The following PHACTR2 variants were observed in gnomAD, a reference collection of about 807,000 sequenced individuals.
PHACTR2 encodes the protein chromosome 6 open reading frame 56.
In PHACTR2, 30 loss-of-function variants were observed where a neutral mutation model predicts 76.0. The ratio of observed to expected loss-of-function variants is 0.39; its 90% CI spans 0.30 to 0.54. The LOEUF (loss-of-function observed/expected upper bound fraction) is 0.54, where lower values mean the gene tolerates loss of function less well. PHACTR2 is among the 20% of genes least tolerant of loss of function. The pLI, the probability that PHACTR2 is intolerant of heterozygous loss-of-function variation, is 0.61. For synonymous variants in PHACTR2, 292 were observed against 292.5 expected (o/e 1.00, Z 0.02); for missense variants, 696 against 781.1 (o/e 0.89, Z 1.30).
At chr6:143,628,005 C>A in intron 1 of PHACTR2, among the ~76,000 whole-genome samples, 1 of 152,122 alleles carries the variant, frequency 6.6e-6, no homozygotes, top group Non-Finnish European at 1.5e-5. Flanking sequence ...TATTGATTTA[C>A]CTATTTGGGA....
chr6:143,727,586 G>A (rs1196448605), intron 2 of PHACTR2, among the ~76,000 whole-genome samples: 3 of 124,018 alleles, frequency 2.4e-5, no homozygotes, highest in Non-Finnish European at 5.0e-5. Flanking sequence ...CCAACACCGT[G>A]TAAGAGTTCC....
intron 1 of PHACTR2, among the ~76,000 whole-genome samples, chr6:143,704,860 G>A (rs1373504043): frequency 2.0e-5 from 3 of 152,212 alleles, no homozygotes; most frequent in East Asian, 1.9e-4. Flanking sequence ...ATGGGATCTC[G>A]CTCAGTTGCC....
chr6:143,720,712 A>C (rs950696827), intron 2 of PHACTR2, among the ~76,000 whole-genome samples: 21 of 152,160 alleles, frequency 1.4e-4, no homozygotes, highest in African/African-American at 5.1e-4. Context: ...CCTGGGCTCA[A>C]GCAATCCTCC....
In PHACTR2 at chr6:143,664,024, GT is replaced by G. The variant is rs1776990333; in HGVS notation, c.14-47991del. Among the ~76,000 whole-genome samples the G allele has an allele frequency of 2.6e-5, 4 of 151,944 alleles. No individual in the cohort carries two copies. The highest frequency in any genetic ancestry group is 1.3e-4 in the Admixed American group (2 of 15,262). ...AATCTCTCCTTATTATTGTGGATCT[GT>G]CCGTTTATCATTGTAATTCTGTTAG... On this transcript the variant is annotated intron_variant, in intron 1 of 11. Coordinates refer to the PHACTR2 transcript ENST00000305766. This position sits in a 1 kb window ranked among gnomAD's most constrained non-coding sequence, Gnocchi z 5.1.
chr6:143,771,144 GTATATATATA>G (rs1185999309), intron 6 of PHACTR2, among the ~76,000 whole-genome samples: 436 of 30,814 alleles, frequency 0.014, 17 homozygotes, highest in African/African-American at 0.044. Flanking sequence ...ATATATATAT[GTATATATATA>G]TATGTATATA....
In PHACTR2 at chr6:143,556,604, G is replaced by T. The variant is rs759942634; in HGVS notation, c.217+19397G>T. Among the ~76,000 whole-genome samples, 1 of 152,118 alleles carries T rather than the reference G, an allele frequency of 6.6e-6. No individual in the cohort carries two copies. The highest frequency in any genetic ancestry group is 2.4e-5 in the African/African-American group (1 of 41,418). On this transcript the variant is annotated intron_variant, in intron 1 of 11. Coordinates refer to the PHACTR2 transcript ENST00000367584. The surrounding 1 kb of genome is among the most constrained non-coding windows in gnomAD (Gnocchi z 4.3). ...CAGCATTCAAAAAATCAATCTAAAC[G>T]CAGCCCTAGAGCAGCAATTCAGCTT...
At position 143,827,718 on chromosome 6, in the gene PHACTR2, T is replaced by C. The variant is rs189722761; in HGVS notation, c.*4029T>C. ...TAAGGAACTACTTAGATGCAATTTATTTACAGAATTGTCCCTTGACCTCTT... is the reference window on the plus strand; with the variant it reads ...TAAGGAACTACTTAGATGCAATTTACTTACAGAATTGTCCCTTGACCTCTT... On this transcript the variant is annotated 3_prime_UTR_variant, in exon 13 of 13. Coordinates refer to ENST00000440869, the MANE Select transcript of PHACTR2 (RefSeq NM_001100164.2). The C allele has an allele frequency of 1.2e-4, 18 of 152,340 alleles. No individual in the cohort carries two copies. The highest frequency in any genetic ancestry group is 2.5e-4 in the Non-Finnish European group (17 of 68,028). The allele number at this position is 152,340 out of a possible 1,614,324, so 9.4% of individuals were successfully genotyped here. A position where few individuals can be genotyped will look rare whatever the true frequency, so the allele number is the denominator to read the frequency against.
Position 143,708,236 on chromosome 6 carries a change from G to A in PHACTR2, c.47-3780G>A, listed in dbSNP as rs1778095835. ...AAAATAAAACCTGTGTATATTTTCT[G>A]ATTTCTTAGCAATTGGTGTTGTGGG... On this transcript the variant is annotated intron_variant, in intron 1 of 12. Transcript: ENST00000440869. The surrounding 1 kb of genome is among the most constrained non-coding windows in gnomAD (Gnocchi z 5.5). Among the ~76,000 whole-genome samples, 1 of 152,172 alleles carries A rather than the reference G, an allele frequency of 6.6e-6. No homozygotes were observed. Among genetic ancestry groups the A allele is most frequent in the African/African-American group, 2.4e-5 (1 of 41,440 alleles).
chr6:143,659,131 G>C lies in PHACTR2; in HGVS notation c.13+50809G>C, dbSNP rs1292901607. On this transcript the variant is annotated intron_variant, in intron 1 of 11. Transcript: ENST00000305766. This position sits in a 1 kb window ranked among gnomAD's most constrained non-coding sequence, Gnocchi z 5.0. ...TAGGTAAGTCTGTGAGTGAGTGATG[G>C]GTGAATGTGAAAGCCTTGGATATTA... is the stretch of plus-strand genomic sequence containing the variant. Among the ~76,000 whole-genome samples the C allele has an allele frequency of 6.6e-6, 1 of 151,960 alleles. No individual in the cohort carries two copies. Among genetic ancestry groups the C allele is most frequent in the African/African-American group, 2.4e-5 (1 of 41,342 alleles).
rs764752103 is a variant in PHACTR2, at chr6:143,664,783, C to A, written c.14-47233C>A. Among the ~76,000 whole-genome samples, 1 of 151,890 alleles carries A rather than the reference C, an allele frequency of 6.6e-6. No individual in the cohort carries two copies. Among genetic ancestry groups the A allele is most frequent in the Non-Finnish European group, 1.5e-5 (1 of 67,920 alleles). ...CCTTACCTCTAGGTTCATTTTCTTT[C>A]TTTATTTTTATTTTATTTTATTATT... On this transcript the variant is annotated intron_variant, in intron 1 of 11. Coordinates refer to the PHACTR2 transcript ENST00000305766. This position sits in a 1 kb window ranked among gnomAD's most constrained non-coding sequence, Gnocchi z 5.1.
At chr6:143,629,078 G>C (rs1251590849) in intron 1 of PHACTR2, among the ~76,000 whole-genome samples, 5 of 150,648 alleles carry the variant, frequency 3.3e-5, no homozygotes. Flanking sequence ...GAAGATAATG[G>C]TGGTGAGTTA....
chr6:143,799,589 T>TTGTTCTCATTGGTTTCAA (rs1338049900), intron 11 of PHACTR2, among the ~76,000 whole-genome samples: 2 of 152,272 alleles, frequency 1.3e-5, no homozygotes, highest in Non-Finnish European at 2.9e-5. Flanking sequence ...CATTGTGTCT[T>TTGTTCTCATTGGTTTCAA]TGTTCTCATT....
Position 143,760,787 on chromosome 6 carries a change from G to C in PHACTR2, c.694+147G>C, listed in dbSNP as rs951289871. Reference sequence around the variant, plus strand: ...CAGCTTTGACACAAAGAATGCCCAGGAGATTCCTTTGTTGCTCTCTACCAA... The same window carrying C: ...CAGCTTTGACACAAAGAATGCCCAGCAGATTCCTTTGTTGCTCTCTACCAA... On this transcript the variant is annotated intron_variant, in intron 5 of 12. Coordinates refer to ENST00000440869, the MANE Select transcript of PHACTR2 (RefSeq NM_001100164.2). The surrounding 1 kb of genome is among the most constrained non-coding windows in gnomAD (Gnocchi z 6.4). 21 of 934,794 alleles carry C rather than the reference G, an allele frequency of 2.2e-5. No homozygotes were observed. Among genetic ancestry groups the C allele is most frequent in the Non-Finnish European group, 3.3e-5 (21 of 640,792 alleles). 57.9% of individuals were successfully genotyped at this position (934,794 alleles called of 1,614,324 possible).
rs1002772394 is a variant in PHACTR2, at chr6:143,570,835, C to T, written c.217+33628C>T. Among the ~76,000 whole-genome samples the T allele has an allele frequency of 3.5e-4, 53 of 152,242 alleles. No individual in the cohort carries two copies. Among genetic ancestry groups the T allele is most frequent in the African/African-American group, 1.1e-3 (45 of 41,542 alleles). Reference sequence around the variant, plus strand: ...AGATGCCGCTTTATTGCAAATCCCTCCCCGGACTCCTCCTCTTCTTCCAAA... The same window carrying T: ...AGATGCCGCTTTATTGCAAATCCCTTCCCGGACTCCTCCTCTTCTTCCAAA... On this transcript the variant is annotated intron_variant, in intron 1 of 11. Transcript: ENST00000367584. The surrounding 1 kb of genome is among the most constrained non-coding windows in gnomAD (Gnocchi z 4.6).
At chr6:143,575,008 C>T (rs1425746412) in intron 1 of PHACTR2, among the ~76,000 whole-genome samples, 1 of 152,132 alleles carries the variant, frequency 6.6e-6, no homozygotes, top group Non-Finnish European at 1.5e-5. Flanking sequence ...TTAGATTTCT[C>T]AGTATTTACT....
chr6:143,780,726 G>A lies in PHACTR2; in HGVS notation c.1646-2493G>A, dbSNP rs141820348. Among the ~76,000 whole-genome samples the A allele has an allele frequency of 4.2e-3, 639 of 152,076 alleles. 6 individuals are homozygous for A. Among genetic ancestry groups the A allele is most frequent in the African/African-American group, 0.015 (611 of 41,442 alleles). The stretch of plus-strand genomic sequence containing the variant: ...TTTATTTATCGGAAATGCTTCTTGC[G>A]GGTCGTCCGAAATGTTCGCCCCTCT... On this transcript the variant is annotated intron_variant, in intron 9 of 12. Transcript: ENST00000440869. The surrounding 1 kb of genome is among the most constrained non-coding windows in gnomAD (Gnocchi z 4.4).
rs1181224465 is a variant in PHACTR2 at position 143,541,353 on chromosome 6, C to T, written c.217+4146C>T. Among the ~76,000 whole-genome samples, 2 of 152,162 alleles carry T rather than the reference C, an allele frequency of 1.3e-5. No individual in the cohort carries two copies. The highest frequency in any genetic ancestry group is 6.5e-5 in the Admixed American group (1 of 15,284). On this transcript the variant is annotated intron_variant, in intron 1 of 11. Transcript: ENST00000367584. The surrounding 1 kb of genome is among the most constrained non-coding windows in gnomAD (Gnocchi z 5.3). Reference sequence around the variant, plus strand: ...GACCATGTAAAGATTCAGCAAGTACCGACTGTTGGCCTACTGGGTGCCAGG... The same window carrying T: ...GACCATGTAAAGATTCAGCAAGTACTGACTGTTGGCCTACTGGGTGCCAGG...
In PHACTR2 at chr6:143,537,929, A is replaced by G. The variant is rs112728141; in HGVS notation, c.217+722A>G. 2.0e-5 allele frequency among the ~76,000 whole-genome samples: 3 copies of G among 152,340 alleles called. No individual in the cohort carries two copies. The highest frequency in any genetic ancestry group is 7.2e-5 in the African/African-American group (3 of 41,580). Reference sequence around the variant, plus strand: ...CGAGACCGGCCTGGCCAACATGGTCAGGAAACTTCGTCCCTACTAAAAATA... The same window carrying G: ...CGAGACCGGCCTGGCCAACATGGTCGGGAAACTTCGTCCCTACTAAAAATA... On this transcript the variant is annotated intron_variant, in intron 1 of 11. Coordinates refer to the PHACTR2 transcript ENST00000367584. This position sits in a 1 kb window ranked among gnomAD's most constrained non-coding sequence, Gnocchi z 4.4.
intron 12 of PHACTR2, among the ~76,000 whole-genome samples, chr6:143,814,595 C>CT (rs61652528): frequency 0.014 from 1,485 of 108,396 alleles, 29 homozygotes; most frequent in Non-Finnish European, 0.016. Context: ...GACATACACA[C>CT]TTTTTTTTTT....
Sources: allele counts gnomAD v4.1 joint callset (sites outside exome capture counted in the v4.1 genomes callset), GRCh38; gene constraint gnomAD v4.1.1; non-coding constraint Gnocchi (gnomAD v3.1); transcripts MANE v1.5; gene names NCBI Gene and HGNC (gene_info 2026-07-23, HGNC 2026-07-21).